Variants in DOCK1 observed in about 807,000 individuals in gnomAD.
DOCK1 encodes the protein dedicator of cytokinesis protein 1.
DOCK1 carries 138 observed loss-of-function variants against 262.7 expected under a neutral mutation model. The ratio of observed to expected loss-of-function variants is 0.53; its 90% CI spans 0.46 to 0.61. The LOEUF (loss-of-function observed/expected upper bound fraction) is 0.61. Among genes scored for constraint, DOCK1 ranks in the 20% least tolerant of loss-of-function variants. The pLI, the probability that DOCK1 is intolerant of heterozygous loss-of-function variation, is 0.00. For missense variants in DOCK1, 1,908 were observed against 2,370.7 expected (o/e 0.80, Z 4.05); for synonymous variants, 866 against 867.4 (o/e 1.00, Z 0.03).
chr10:127,271,512 C>T (rs182843314), intron 29 of DOCK1, among the ~76,000 whole-genome samples: 6 of 152,190 alleles, frequency 3.9e-5, no homozygotes, highest in African/African-American at 9.6e-5. Flanking sequence ...TCCATGGAAC[C>T]GAAATGTTAA....
Position 127,425,912 on chromosome 10 carries a change from C to G in DOCK1, c.4815C>G (p.Asp1605Glu). Residue 1605 changes from aspartate (D) to glutamate (E), a missense_variant, in exon 47 of 52, where the codon GAC becomes GAG. By Grantham distance (45) the Asp-to-Glu change is conservative. Around this residue, in one of 9 missense-constraint regions of DOCK1, gnomAD observed 383 missense variants for 420.1 expected, o/e 0.91. Transcript: ENST00000623213. ...CCGAAGGGATCAGAATCCATGGAGA[C>G]AAAGTCACGGAGGCACTGAGGCCGT... ...FLAEGIRIHG[D>E]KVTEALRPFH... The G allele has an allele frequency of 6.2e-7, 1 of 1,614,004 alleles. No individual in the cohort carries two copies.
At chr10:127,052,653 T>A (rs1405618636) in intron 21 of DOCK1, 28 bp from the exon 22 acceptor site, 6 of 1,613,914 alleles carry the variant, frequency 3.7e-6, no homozygotes, top group Non-Finnish European at 3.4e-6. Flanking sequence ...TTCCTGAGCT[T>A]ATTTGTGCGT....
intron 33 of DOCK1, among the ~76,000 whole-genome samples, chr10:127,368,185 T>C (rs1394712096): frequency 1.3e-5 from 2 of 152,104 alleles, no homozygotes; most frequent in Non-Finnish European, 2.9e-5. Context: ...CATCACCACC[T>C]CCCCAGAGCC....
chr10:126,991,194 T>A (rs2039760394), intron 6 of DOCK1, among the ~76,000 whole-genome samples: 1 of 152,144 alleles, frequency 6.6e-6, no homozygotes, highest in South Asian at 2.1e-4. Context: ...TCTGCATGAG[T>A]GCCTTTAGTG....
intron 31 of DOCK1, among the ~76,000 whole-genome samples, chr10:127,347,263 G>A (rs1412822701): frequency 7.2e-5 from 11 of 152,222 alleles, no homozygotes; most frequent in East Asian, 1.9e-4. Context: ...CCATGGTCCC[G>A]GTGCCGGGGA....
chr10:127,022,218 C>T (rs1054185890), intron 13 of DOCK1, among the ~76,000 whole-genome samples: 5 of 152,016 alleles, frequency 3.3e-5, no homozygotes, highest in Admixed American at 3.3e-4. Context: ...GGTCCCCATT[C>T]GGGATCCTGA....
chr10:126,925,837 G>T (rs1480884013), intron 1 of DOCK1, among the ~76,000 whole-genome samples: 2 of 151,650 alleles, frequency 1.3e-5, no homozygotes, highest in East Asian at 3.9e-4. Context: ...TCCAGGATGG[G>T]CTTATGTCAC....
At chr10:127,031,573 C>T in intron 16 of DOCK1, 77 bp from the exon 17 acceptor site, 1 of 1,141,868 alleles carries the variant, frequency 8.8e-7, no homozygotes, top group Non-Finnish European at 1.3e-6. Flanking sequence ...TAAAGGTAGC[C>T]TTTGTAGCTT....
chr10:127,063,922 G>C (rs748509631), intron 23 of DOCK1, among the ~76,000 whole-genome samples: 17 of 152,228 alleles, frequency 1.1e-4, no homozygotes, highest in Admixed American at 1.1e-3. Flanking sequence ...ACAGACGCAC[G>C]GCGTTTTATT....
intron 27 of DOCK1, among the ~76,000 whole-genome samples, chr10:127,150,973 G>A (rs1405358036): frequency 6.6e-6 from 1 of 152,140 alleles, no homozygotes; most frequent in Non-Finnish European, 1.5e-5. Flanking sequence ...ATTCAAATGG[G>A]AGATTTCAAT....
intron 25 of DOCK1, among the ~76,000 whole-genome samples, chr10:127,122,990 A>G (rs1248228591): frequency 2.0e-5 from 3 of 152,220 alleles, no homozygotes; most frequent in Non-Finnish European, 4.4e-5. Flanking sequence ...AATTTAGGCC[A>G]GGACATCTGG....
At chr10:127,400,162 T>A (rs1405064621) in intron 38 of DOCK1, among the ~76,000 whole-genome samples, 2 of 147,018 alleles carry the variant, frequency 1.4e-5, no homozygotes, top group African/African-American at 5.1e-5. Flanking sequence ...GCTCTGATTG[T>A]AGAATAACTT....
chr10:127,015,252 C>T (rs1314111456), intron 12 of DOCK1: 2 of 151,982 alleles, frequency 1.3e-5, no homozygotes, highest in South Asian at 2.1e-4. Context: ...CTGAGTAATA[C>T]ATCTGTCTCT....
chr10:127,214,676 A>G (rs1032761995), intron 27 of DOCK1, among the ~76,000 whole-genome samples: 1 of 152,148 alleles, frequency 6.6e-6, no homozygotes, highest in Non-Finnish European at 1.5e-5. Flanking sequence ...CACCTGCGGG[A>G]GAGCGCCTCC....
chr10:127,399,219 T>C (rs757640220), intron 38 of DOCK1, among the ~76,000 whole-genome samples: 4 of 152,156 alleles, frequency 2.6e-5, no homozygotes, highest in Admixed American at 6.5e-5. Context: ...GCTTTTTCAT[T>C]TGGGGCTGTG....
At chr10:127,143,199 G>A (rs1326469628) in intron 27 of DOCK1, among the ~76,000 whole-genome samples, 3 of 152,130 alleles carry the variant, frequency 2.0e-5, no homozygotes, top group Admixed American at 1.3e-4. Context: ...TTCTGCAGTC[G>A]TCCATGTGTA....
intron 12 of DOCK1, chr10:127,015,855 A>C (rs4488108): frequency 0.81 from 123,350 of 152,530 alleles, 50,145 homozygotes; most frequent in South Asian, 0.89. Context: ...CCTGAGCCCC[A>C]CTCTGGGTGC....
At chr10:127,006,881 C>T (rs1465112483) in intron 10 of DOCK1, among the ~76,000 whole-genome samples, 1 of 151,390 alleles carries the variant, frequency 6.6e-6, no homozygotes, top group Non-Finnish European at 1.5e-5. Context: ...TGAGGGTGGG[C>T]CTGCTCGGGT....
chr10:127,336,499 G>A (rs1005925173), intron 29 of DOCK1, among the ~76,000 whole-genome samples: 3 of 147,266 alleles, frequency 2.0e-5, no homozygotes, highest in Non-Finnish European at 4.5e-5. Flanking sequence ...AAAGGTTTTT[G>A]TTCAGCCTTC....
Sources: allele counts gnomAD v4.1 joint callset (sites outside exome capture counted in the v4.1 genomes callset), GRCh38; gene constraint gnomAD v4.1.1; regional missense constraint gnomAD v4.1.1; transcripts MANE v1.5; gene names NCBI Gene and HGNC (gene_info 2026-07-23, HGNC 2026-07-21).